The following SHTN1 variants were observed in gnomAD, a reference collection of about 807,000 sequenced individuals.
SHTN1 encodes shootin 1.
SHTN1 carries 42 observed loss-of-function variants against 83.1 expected under a neutral mutation model. The ratio of observed to expected loss-of-function variants is 0.51; its 90% CI spans 0.39 to 0.65. The LOEUF is 0.65. Among genes scored for constraint, SHTN1 ranks in the 30% least tolerant of loss-of-function variants. The pLI, the probability that SHTN1 is intolerant of heterozygous loss-of-function variation, is 0.00. For missense variants in SHTN1, 622 were observed against 737.8 expected (o/e 0.84, Z 1.82); for synonymous variants, 224 against 247.7 (o/e 0.90, Z 0.90).
At chr10:116,994,268 G>T (rs1851549618) in intron 1 of SHTN1, among the ~76,000 whole-genome samples, 1 of 152,008 alleles carries the variant, frequency 6.6e-6, no homozygotes, top group African/African-American at 2.4e-5. Context: ...AATGAATGAA[G>T]AAATGATATA....
chr10:116,977,662 CTGTGTGTGTG>C (rs750351561), intron 2 of SHTN1, among the ~76,000 whole-genome samples: 2 of 147,774 alleles, frequency 1.4e-5, no homozygotes, highest in Non-Finnish European at 3.0e-5. Context: ...CTTTCTTACT[CTGTGTGTGTG>C]TGTGTGTGTG....
chr10:117,036,688 T>G (rs1164421397), intron 2 of SHTN1, among the ~76,000 whole-genome samples: 1 of 152,054 alleles, frequency 6.6e-6, no homozygotes, highest in Non-Finnish European at 1.5e-5. Flanking sequence ...AAAAAATAAT[T>G]AGAATGAACA....
chr10:117,081,827 G>A (rs1853268876), intron 1 of SHTN1, among the ~76,000 whole-genome samples: 1 of 151,528 alleles, frequency 6.6e-6, no homozygotes, highest in African/African-American at 2.4e-5. Context: ...TTGCGTAGAG[G>A]TGTTTGTAGT....
chr10:116,951,283 C>A (rs988855106), intron 6 of SHTN1, among the ~76,000 whole-genome samples: 1 of 152,028 alleles, frequency 6.6e-6, no homozygotes. Flanking sequence ...ATCAGGCAGG[C>A]GTGGTGACGC....
At chr10:117,037,537 A>G (rs1018482883) in intron 2 of SHTN1, among the ~76,000 whole-genome samples, 1 of 152,194 alleles carries the variant, frequency 6.6e-6, no homozygotes, top group African/African-American at 2.4e-5. Context: ...GTTATTACAC[A>G]GACATTGACA....
chr10:116,947,965 T>C (rs752876959), intron 7 of SHTN1, among the ~76,000 whole-genome samples: 9 of 152,116 alleles, frequency 5.9e-5, no homozygotes, highest in Non-Finnish European at 1.0e-4. Context: ...TCCCAGTTGA[T>C]GAATCACAAA....
intron 5 of SHTN1, among the ~76,000 whole-genome samples, chr10:116,953,600 C>G (rs970728361): frequency 6.6e-6 from 1 of 150,722 alleles, no homozygotes; most frequent in South Asian, 2.1e-4. Flanking sequence ...TAGGGTAGGA[C>G]CCAGGCATCA....
intron 2 of SHTN1, among the ~76,000 whole-genome samples, chr10:117,011,078 AAAAG>A (rs1425093742): frequency 6.6e-6 from 1 of 152,220 alleles, no homozygotes; most frequent in Non-Finnish European, 1.5e-5. Flanking sequence ...TTAGACAAGA[AAAAG>A]AAAGAAAAGG....
In SHTN1 at chr10:116,928,342, A is replaced by G. The variant is rs115985440; in HGVS notation, c.1013-451T>C. On this transcript the variant is annotated intron_variant, in intron 10 of 16. Coordinates refer to ENST00000355371, the MANE Select transcript of SHTN1 (RefSeq NM_001127211.3). ...CTCCCCTGCTTAATTTCCTTCAAAAACTGCAAATACTAGAGTCTTTGATTT... is the reference window on the plus strand; with the variant it reads ...CTCCCCTGCTTAATTTCCTTCAAAAGCTGCAAATACTAGAGTCTTTGATTT... Among the ~76,000 whole-genome samples the G allele has an allele frequency of 5.5e-3, 844 of 152,292 alleles. 6 individuals carry two copies. Among genetic ancestry groups the G allele is most frequent in the African/African-American group, 0.019 (780 of 41,562 alleles).
intron 2 of SHTN1, among the ~76,000 whole-genome samples, chr10:117,022,703 T>C (rs1323350130): frequency 6.6e-6 from 1 of 152,158 alleles, no homozygotes; most frequent in African/African-American, 2.4e-5. Context: ...GGAGGATCAC[T>C]TAAGGTCAGG....
At chr10:117,039,962 T>C (rs949471906) in intron 2 of SHTN1, among the ~76,000 whole-genome samples, 6 of 151,934 alleles carry the variant, frequency 3.9e-5, no homozygotes, top group South Asian at 2.1e-4. Flanking sequence ...AATCTAAAAC[T>C]GCTCTGAAAA....
chr10:116,975,419 TG>T (rs1051393479), intron 2 of SHTN1, among the ~76,000 whole-genome samples: 10 of 151,866 alleles, frequency 6.6e-5, no homozygotes, highest in African/African-American at 2.4e-4. Flanking sequence ...TTTTGTTCTT[TG>T]TCCATTGCCC....
intron 1 of SHTN1, among the ~76,000 whole-genome samples, chr10:117,121,183 T>C (rs1300854925): frequency 2.6e-5 from 4 of 152,140 alleles, no homozygotes; most frequent in Non-Finnish European, 5.9e-5. Flanking sequence ...GATAAAAAAA[T>C]TGTTTAAAAA....
chr10:117,049,240 CA>C (rs1203424787), intron 1 of SHTN1, among the ~76,000 whole-genome samples: 6 of 152,110 alleles, frequency 3.9e-5, no homozygotes, highest in Non-Finnish European at 7.4e-5. Context: ...AGAAACAAGT[CA>C]GCTTTAAGCA....
At chr10:117,046,364 A>T (rs542827814) in intron 2 of SHTN1, among the ~76,000 whole-genome samples, 1 of 152,312 alleles carries the variant, frequency 6.6e-6, no homozygotes, top group South Asian at 2.1e-4. Context: ...TATAATAAAA[A>T]AACAGACAAC....
At chr10:116,896,307 G>A (rs193297694) in intron 16 of SHTN1, among the ~76,000 whole-genome samples, 4 of 152,204 alleles carry the variant, frequency 2.6e-5, no homozygotes, top group Non-Finnish European at 5.9e-5. Flanking sequence ...GATGTATACT[G>A]GGTTTTCTTA....
chr10:116,971,985 AC>A (rs754987869), intron 2 of SHTN1, among the ~76,000 whole-genome samples: 4 of 152,206 alleles, frequency 2.6e-5, no homozygotes, highest in Non-Finnish European at 4.4e-5. Flanking sequence ...GAAAAAGGCC[AC>A]CAGTTGACAT....
chr10:116,991,101 G>A (rs994743511), intron 1 of SHTN1, among the ~76,000 whole-genome samples: 1 of 152,022 alleles, frequency 6.6e-6, no homozygotes, highest in Admixed American at 6.6e-5. Flanking sequence ...CAGGAGAATC[G>A]CTTGAACCCG....
At chr10:116,920,012 A>C (rs1328132940) in intron 12 of SHTN1, among the ~76,000 whole-genome samples, 1 of 152,206 alleles carries the variant, frequency 6.6e-6, no homozygotes, top group South Asian at 2.1e-4. Context: ...AAGAGCTTGC[A>C]ATCTGCTCAG....
Sources: gnomAD v4.1 joint callset for allele counts (sites outside exome capture counted in the v4.1 genomes callset) on GRCh38, gnomAD v4.1.1 for gene constraint, MANE v1.5 for transcripts, NCBI Gene and HGNC (gene_info 2026-07-23, HGNC 2026-07-21) for gene names.